MMP26: variants seen among roughly 807,000 people sequenced by gnomAD.
The protein encoded by MMP26 is matrix metallopeptidase 26, also known as matrix metalloproteinase-26.
A neutral mutation model predicts 31.0 loss-of-function variants in MMP26; 33 were observed. The observed-to-expected ratio is 1.06, with a 90% CI of 0.81 to 1.42. The LOEUF (loss-of-function observed/expected upper bound fraction) is 1.42. Ranked by LOEUF, MMP26 falls within the 40% of genes most tolerant of loss-of-function variation. The probability of loss-of-function intolerance (pLI) is 0.00; values close to 1 mark genes in which losing one functional copy is unlikely to be tolerated. For synonymous variants in MMP26, 122 were observed against 114.9 expected (o/e 1.06, Z -0.40); for missense variants, 347 against 316.1 (o/e 1.10, Z -0.74).
At chr11:4,868,708 A>G (rs1449608047) in intron 2 of MMP26, among the ~76,000 whole-genome samples, 1 of 152,190 alleles carries the variant, frequency 6.6e-6, no homozygotes, top group Non-Finnish European at 1.5e-5. Context: ...ACAGAATTGG[A>G]AAAAACTACT....
chr11:4,739,496 G>A (rs1848284469), intron 1 of MMP26, among the ~76,000 whole-genome samples: 1 of 152,070 alleles, frequency 6.6e-6, no homozygotes, highest in African/African-American at 2.4e-5. Context: ...AGAAGATGGG[G>A]CAATTTTCTC....
intron 1 of MMP26, chr11:4,723,107 A>G: frequency 6.5e-7 from 1 of 1,541,826 alleles, no homozygotes; most frequent in Non-Finnish European, 8.9e-7. Context: ...GGCCCGCTGC[A>G]GGGCGGCCTC....
intron 1 of MMP26, among the ~76,000 whole-genome samples, chr11:4,722,285 A>C (rs1475357898): frequency 6.6e-6 from 1 of 152,028 alleles, no homozygotes; most frequent in Non-Finnish European, 1.5e-5. Flanking sequence ...CTCACTTTAA[A>C]TTATTCTGAA....
intron 2 of MMP26, chr11:4,945,266 T>C (rs1466542311): frequency 6.6e-6 from 1 of 152,090 alleles, no homozygotes; most frequent in Non-Finnish European, 1.5e-5. Context: ...AAATGCATTA[T>C]ACAAAATTGG....
rs531350416 is a variant in MMP26, at chr11:4,803,939, C to G, written c.-145+36598C>G. ...AGCCCTCTCAGCATCACGATGGTCC[C>G]CAGTTTGATCACGACCGATGGGGTC... On this transcript the variant is annotated intron_variant, in intron 2 of 7. Transcript: ENST00000380390. 13 of 1,613,220 alleles carry G rather than the reference C, an allele frequency of 8.1e-6. No homozygotes were observed. Among genetic ancestry groups the G allele is most frequent in the Non-Finnish European group, 1.0e-5 (12 of 1,179,914 alleles).
At chr11:4,965,567 T>C (rs1004448785) in intron 2 of MMP26, among the ~76,000 whole-genome samples, 2 of 152,210 alleles carry the variant, frequency 1.3e-5, no homozygotes, top group African/African-American at 4.8e-5. Flanking sequence ...TTAATCTTTC[T>C]TTGAGATGAT....
intron 2 of MMP26, among the ~76,000 whole-genome samples, chr11:4,935,059 G>T (rs1230236376): frequency 6.6e-6 from 1 of 151,608 alleles, no homozygotes; most frequent in Non-Finnish European, 1.5e-5. Flanking sequence ...GGCAATGTGG[G>T]CTCTTTTTTG....
chr11:4,918,704 T>C (rs1851135770), intron 2 of MMP26, among the ~76,000 whole-genome samples: 2 of 152,204 alleles, frequency 1.3e-5, no homozygotes, highest in African/African-American at 2.4e-5. Context: ...ACTTAATCCA[T>C]GGCGTTTCTG....
chr11:4,982,322 C>T (rs377656598), intron 2 of MMP26, among the ~76,000 whole-genome samples: 5 of 152,122 alleles, frequency 3.3e-5, no homozygotes, highest in South Asian at 4.1e-4. Flanking sequence ...TGTGTTATGA[C>T]GTTACGACAG....
intron 2 of MMP26, among the ~76,000 whole-genome samples, chr11:4,845,130 AG>A (rs558804639): frequency 7.2e-4 from 110 of 152,290 alleles, no homozygotes; most frequent in African/African-American, 2.6e-3. Context: ...AAAAAGAAAA[AG>A]AAATTAAAAA....
intron 2 of MMP26, among the ~76,000 whole-genome samples, chr11:4,887,304 A>G (rs1850557875): frequency 1.3e-5 from 2 of 152,094 alleles, no homozygotes. Context: ...TAGTAATCAC[A>G]AAAGAAATGT....
chr11:4,760,785 C>A (rs1297558499), intron 1 of MMP26, among the ~76,000 whole-genome samples: 1 of 152,084 alleles, frequency 6.6e-6, no homozygotes, highest in Non-Finnish European at 1.5e-5. Context: ...GGAAATGCAT[C>A]AGATTGATGC....
intron 2 of MMP26, among the ~76,000 whole-genome samples, chr11:4,962,163 G>C (rs1338449708): frequency 6.6e-6 from 1 of 152,102 alleles, no homozygotes; most frequent in Admixed American, 6.5e-5. Flanking sequence ...TGTGTAGTGT[G>C]CTCCTTGATA....
chr11:4,938,171 T>C (rs1277251259), intron 2 of MMP26: 1 of 152,088 alleles, frequency 6.6e-6, no homozygotes, highest in Non-Finnish European at 1.5e-5. Context: ...AAATTACCCA[T>C]CCAAGAAAGA....
intron 2 of MMP26, chr11:4,924,468 G>A (rs1851240403): frequency 5.5e-6 from 5 of 904,458 alleles, no homozygotes; most frequent in Non-Finnish European, 6.7e-6. Flanking sequence ...GATGGCATAG[G>A]GGAGAACTGG....
At chr11:4,813,536 T>C (rs1849379207) in intron 2 of MMP26, among the ~76,000 whole-genome samples, 1 of 152,136 alleles carries the variant, frequency 6.6e-6, no homozygotes, top group Non-Finnish European at 1.5e-5. Flanking sequence ...CAGTAATCAA[T>C]TTTCAATAGA....
intron 2 of MMP26, chr11:4,822,277 C>T (rs771911608): frequency 1.3e-6 from 2 of 1,560,010 alleles, no homozygotes; most frequent in Non-Finnish European, 8.7e-7. Context: ...TCTGCTAATC[C>T]CTCCTGTGCT....
At chr11:4,898,789 G>A (rs570592280) in intron 2 of MMP26, among the ~76,000 whole-genome samples, 1 of 150,422 alleles carries the variant, frequency 6.6e-6, no homozygotes, top group South Asian at 2.1e-4. Flanking sequence ...TTAAATTAGA[G>A]TTTATTAGAA....
At chr11:4,769,864 G>A (rs756397657) in intron 2 of MMP26, 1 of 1,613,084 alleles carries the variant, frequency 6.2e-7, no homozygotes, top group South Asian at 1.1e-5. Flanking sequence ...GGCCAGGAAT[G>A]CCGGTCAACA....
Sources: gnomAD v4.1 joint callset for allele counts (sites outside exome capture counted in the v4.1 genomes callset) on GRCh38, gnomAD v4.1.1 for gene constraint, MANE v1.5 for transcripts, NCBI Gene and HGNC (gene_info 2026-07-23, HGNC 2026-07-21) for gene names.